The following VRK2 variants were observed in gnomAD, a reference collection of about 807,000 sequenced individuals.
VRK2 encodes the protein serine/threonine-protein kinase VRK2.
Under a neutral mutation model 57.6 loss-of-function variants are expected in VRK2, and 60 were observed. That is an observed-to-expected ratio of 1.04 (90% CI 0.85 to 1.29). The LOEUF (loss-of-function observed/expected upper bound fraction) is 1.29, where lower values mean the gene tolerates loss of function less well. Ranked by LOEUF, VRK2 falls within the 50% of genes most tolerant of loss-of-function variation. The pLI, the probability that VRK2 is intolerant of heterozygous loss-of-function variation, is 0.00. For synonymous variants in VRK2, 231 were observed against 199.2 expected (o/e 1.16, Z -1.35); for missense variants, 705 against 588.1 (o/e 1.20, Z -2.06).
At chr2:57,944,002 G>A (rs753869730) in intron 1 of VRK2, among the ~76,000 whole-genome samples, 1 of 152,184 alleles carries the variant, frequency 6.6e-6, no homozygotes, top group Admixed American at 6.5e-5. Flanking sequence ...TACAATGACA[G>A]GCACTGGGCC....
chr2:58,019,529 A>G (rs1330160129), intron 1 of VRK2, among the ~76,000 whole-genome samples: 1 of 152,230 alleles, frequency 6.6e-6, no homozygotes, highest in Non-Finnish European at 1.5e-5. Context: ...AACTTGATCC[A>G]TCTTTGATTT....
In VRK2 at chr2:57,953,479, C is replaced by T. The variant is rs147257259; in HGVS notation, c.-439+45640C>T. Among the ~76,000 whole-genome samples, 8 of 152,100 alleles carry T rather than the reference C, an allele frequency of 5.3e-5. No homozygotes were observed. The East Asian group carries it at 1.4e-3, about 26-fold the overall frequency. ...TAATTAAAAAAGGGAAATCACTTTG[C>T]GTGTATCCCATAAAATATGAAAATT... On this transcript the variant is annotated intron_variant, in intron 1 of 15. Transcript: ENST00000417641.
At chr2:58,150,609 T>TA (rs554355847) in intron 12 of VRK2, among the ~76,000 whole-genome samples, 47 of 150,692 alleles carry the variant, frequency 3.1e-4, no homozygotes, top group Admixed American at 9.9e-4. Flanking sequence ...TTGATTTTTT[T>TA]AAAAAAACCT....
chr2:57,992,788 G>A (rs1355473637), intron 1 of VRK2, among the ~76,000 whole-genome samples: 2 of 151,556 alleles, frequency 1.3e-5, no homozygotes, highest in Admixed American at 6.6e-5. Context: ...CAGCCGCCTC[G>A]GCCTCCCAAA....
intron 1 of VRK2, among the ~76,000 whole-genome samples, chr2:57,920,589 G>A (rs1670308637): frequency 6.6e-6 from 1 of 152,098 alleles, no homozygotes. Context: ...AGCTGGAGTT[G>A]AGTATCGGTG....
chr2:58,137,781 T>TA (rs1288564934), intron 10 of VRK2, among the ~76,000 whole-genome samples: 2 of 152,120 alleles, frequency 1.3e-5, no homozygotes, highest in African/African-American at 4.8e-5. Flanking sequence ...AGCAGATGAT[T>TA]AAAAAAATCA....
At chr2:58,016,341 T>G (rs983903735) in intron 1 of VRK2, among the ~76,000 whole-genome samples, 3 of 151,350 alleles carry the variant, frequency 2.0e-5, no homozygotes, top group Admixed American at 2.0e-4. Context: ...CATTGTATGT[T>G]TTAATTTAAT....
chr2:58,036,057 T>C (rs1241083683), intron 3 of VRK2, among the ~76,000 whole-genome samples: 1 of 152,008 alleles, frequency 6.6e-6, no homozygotes, highest in Non-Finnish European at 1.5e-5. Flanking sequence ...ATTTTTTTTC[T>C]TATATGTCTG....
chr2:57,931,726 A>G (rs1189344095), intron 1 of VRK2, among the ~76,000 whole-genome samples: 1 of 151,950 alleles, frequency 6.6e-6, no homozygotes, highest in African/African-American at 2.4e-5. Flanking sequence ...TTTTCCTCTA[A>G]GAGATTTATA....
chr2:57,942,204 G>A (rs1641547222), intron 1 of VRK2, among the ~76,000 whole-genome samples: 1 of 152,142 alleles, frequency 6.6e-6, no homozygotes, highest in African/African-American at 2.4e-5. Flanking sequence ...AAAATAAACA[G>A]AAAATGTGTT....
chr2:58,039,482 T>C (rs1674377771), intron 3 of VRK2, among the ~76,000 whole-genome samples: 1 of 152,158 alleles, frequency 6.6e-6, no homozygotes, highest in Admixed American at 6.5e-5. Flanking sequence ...GCCTTCTTAA[T>C]TATTTTTCTC....
intron 12 of VRK2, among the ~76,000 whole-genome samples, chr2:58,151,731 G>GTTTTTTTTTTTGTTTTTTTTTTTTTT (rs1683072332): frequency 1.2e-4 from 2 of 16,722 alleles, no homozygotes; most frequent in Non-Finnish European, 3.0e-4. Flanking sequence ...TTCTATGCTT[G>GTTTTTTTTTTTGTTTTTTTTTTTTTT]TTTTTTTTTT....
At chr2:57,977,461 T>A (rs944592917) in intron 1 of VRK2, among the ~76,000 whole-genome samples, 2 of 151,928 alleles carry the variant, frequency 1.3e-5, no homozygotes, top group Non-Finnish European at 1.5e-5. Flanking sequence ...TTCCTGGGTA[T>A]TTTTTTTCTT....
intron 2 of VRK2, among the ~76,000 whole-genome samples, chr2:58,056,619 C>T (rs574743624): frequency 6.6e-6 from 1 of 152,146 alleles, no homozygotes; most frequent in Non-Finnish European, 1.5e-5. Context: ...CTACTCACCC[C>T]ACTTCCTCTC....
intron 1 of VRK2, among the ~76,000 whole-genome samples, chr2:58,000,432 T>C (rs1173717886): frequency 6.6e-6 from 1 of 152,222 alleles, no homozygotes; most frequent in Admixed American, 6.5e-5. Flanking sequence ...AACTTCATAT[T>C]CATTTAATGG....
chr2:58,133,976 C>A (rs543765260), intron 9 of VRK2, among the ~76,000 whole-genome samples: 1 of 152,196 alleles, frequency 6.6e-6, no homozygotes, highest in African/African-American at 2.4e-5. Flanking sequence ...GTAATTCCAT[C>A]TTGTTTAGTA....
At chr2:57,907,669 G>T (rs1558486380) in exon 1 of VRK2, 1 of 152,222 alleles carries the variant, frequency 6.6e-6, no homozygotes, top group Non-Finnish European at 1.5e-5. Context: ...ACACGCTTCA[G>T]TTCACAACTT....
At position 58,086,443 on chromosome 2, in the gene VRK2, A is replaced by G. The variant is rs1671633542; in HGVS notation, c.344+17A>G. On this transcript the variant is annotated intron_variant, in intron 5 of 12. Transcript: ENST00000340157. ...GGGAAGAAGGTAAAATGGAATTATT[A>G]TAATCAAATATTTCTTTATAACTAT... The G allele has an allele frequency of 1.3e-6, 2 of 1,554,988 alleles. No individual in the cohort carries two copies. Among genetic ancestry groups the G allele is most frequent in the Non-Finnish European group, 1.7e-6 (2 of 1,151,626 alleles).
At chr2:57,934,926 A>T (rs1195753575) in intron 1 of VRK2, among the ~76,000 whole-genome samples, 1 of 151,810 alleles carries the variant, frequency 6.6e-6, no homozygotes, top group African/African-American at 2.4e-5. Context: ...GCTTGTTTTG[A>T]TGATTTCTAT....
Sources: gnomAD v4.1 joint callset for allele counts (sites outside exome capture counted in the v4.1 genomes callset) on GRCh38, gnomAD v4.1.1 for gene constraint, MANE v1.5 for transcripts, NCBI Gene and HGNC (gene_info 2026-07-23, HGNC 2026-07-21) for gene names.